NELL1: variants seen among roughly 807,000 people sequenced by gnomAD.
NELL1 encodes protein kinase C-binding protein NELL1.
NELL1 carries 76 observed loss-of-function variants against 107.4 expected under a neutral mutation model. The ratio of observed to expected loss-of-function variants is 0.71; its 90% confidence interval spans 0.59 to 0.86. The LOEUF is 0.86. NELL1 is among the 40% of genes least tolerant of loss of function. NELL1 has a pLI of 0.00. For missense variants in NELL1, 1,024 were observed against 1,005.5 expected, an observed-to-expected ratio of 1.02 and a Z score of -0.25; for synonymous variants, 353 against 341.2, an observed-to-expected ratio of 1.03 and a Z score of -0.38.
intron 17 of NELL1, among the ~76,000 whole-genome samples, chr11:21,561,925 G>T (rs1856859453): frequency 6.6e-6 from 1 of 152,000 alleles, no homozygotes; most frequent in Non-Finnish European, 1.5e-5. Context: ...ATTCCTCATG[G>T]AAGAGGATGG....
At chr11:20,713,654 C>T (rs181390538) in intron 2 of NELL1, among the ~76,000 whole-genome samples, 227 of 152,204 alleles carry the variant, frequency 1.5e-3, no homozygotes, top group African/African-American at 5.1e-3. Context: ...CAGTTCCTGG[C>T]CACCCCCCAG....
chr11:20,863,980 C>T (rs968757970), intron 4 of NELL1, among the ~76,000 whole-genome samples: 33 of 150,628 alleles, frequency 2.2e-4, no homozygotes, highest in African/African-American at 7.8e-4. Context: ...TGGCGGCGCG[C>T]GCCTGCAATC....
At chr11:20,807,774 TC>T (rs1326148937) in intron 3 of NELL1, among the ~76,000 whole-genome samples, 1 of 152,170 alleles carries the variant, frequency 6.6e-6, no homozygotes, top group Non-Finnish European at 1.5e-5. Context: ...CAAAGAATCG[TC>T]CCAGTTTTCC....
rs545216612 is a variant in NELL1 at position 20,693,186 on chromosome 11, A to C, written c.184+15126A>C. 1.3e-4 allele frequency among the ~76,000 whole-genome samples: 19 copies of C among 151,870 alleles called. No homozygotes were observed. The South Asian group carries it at 1.7e-3, about 13-fold the overall frequency. ...ATTTTGAGCCTATGTGTGTCTCTGCACGTGAGATGGGTTTCCTGAATACAG... is the reference window on the plus strand; with the variant it reads ...ATTTTGAGCCTATGTGTGTCTCTGCCCGTGAGATGGGTTTCCTGAATACAG... On this transcript the variant is annotated intron_variant, in intron 2 of 19. Transcript: ENST00000357134.
At chr11:21,008,056 C>T (rs1852367257) in intron 12 of NELL1, among the ~76,000 whole-genome samples, 1 of 152,048 alleles carries the variant, frequency 6.6e-6, no homozygotes, top group Non-Finnish European at 1.5e-5. Context: ...TGGTTGCTTA[C>T]AGAAGTGAAG....
chr11:21,049,112 A>G (rs991150413), intron 12 of NELL1, among the ~76,000 whole-genome samples: 1 of 152,190 alleles, frequency 6.6e-6, no homozygotes, highest in African/African-American at 2.4e-5. Context: ...ATTGAAATAA[A>G]TGGATCACAT....
chr11:20,998,919 T>C (rs184726024), intron 12 of NELL1, among the ~76,000 whole-genome samples: 4 of 152,170 alleles, frequency 2.6e-5, no homozygotes, highest in Non-Finnish European at 5.9e-5. Flanking sequence ...AAATGAAATA[T>C]ACATTTTCAA....
At chr11:20,911,861 G>A (rs925096621) in intron 5 of NELL1, among the ~76,000 whole-genome samples, 1 of 152,170 alleles carries the variant, frequency 6.6e-6, no homozygotes, top group Non-Finnish European at 1.5e-5. Flanking sequence ...AATGGCTGGG[G>A]TAGGGGAAAT....
chr11:20,783,896 G>A, intron 3 of NELL1, 66 bp downstream of exon 3: 1 of 1,441,488 alleles, frequency 6.9e-7, no homozygotes, highest in Non-Finnish European at 9.2e-7. Context: ...AATGTCTTGG[G>A]ATTTAGAGTT....
intron 15 of NELL1, among the ~76,000 whole-genome samples, chr11:21,528,905 G>GT (rs933666934): frequency 4.0e-5 from 6 of 151,868 alleles, no homozygotes; most frequent in African/African-American, 9.7e-5. Flanking sequence ...TTAGTGCTGG[G>GT]TTTTTTTCCT....
intron 14 of NELL1, among the ~76,000 whole-genome samples, chr11:21,299,509 ATATGTGTGTGTGTGTGTGTGTG>A (rs1159017334): frequency 9.4e-6 from 1 of 106,568 alleles, no homozygotes; most frequent in Non-Finnish European, 1.9e-5. Context: ...TTATTGTCTT[ATATGTGTGTGTGTGTGTGTGTG>A]TGTGTGTGTG....
At chr11:21,365,191 C>G (rs1404006179) in intron 14 of NELL1, among the ~76,000 whole-genome samples, 1 of 152,180 alleles carries the variant, frequency 6.6e-6, no homozygotes. Flanking sequence ...ATGCCTTTCT[C>G]TCTGCTATTC....
chr11:20,671,859 G>A (rs533483290), intron 1 of NELL1, among the ~76,000 whole-genome samples: 2 of 152,254 alleles, frequency 1.3e-5, no homozygotes, highest in South Asian at 4.1e-4. Flanking sequence ...AGGGAGGAGT[G>A]GTGGTCAGGG....
chr11:21,292,640 G>T lies in NELL1; in HGVS notation c.1549+63186G>T, dbSNP rs565934952. On this transcript the variant is annotated intron_variant, in intron 14 of 19. Coordinates refer to ENST00000357134, the MANE Select transcript of NELL1 (RefSeq NM_006157.5). The stretch of plus-strand genomic sequence containing the variant: ...TAGACAAGACAATCCTAAGCAAAAA[G>T]AACAAAGCTGGAGGCATCATGGTAC... 3.3e-5 allele frequency among the ~76,000 whole-genome samples: 5 copies of T among 152,242 alleles called. No individual in the cohort carries two copies. In the South Asian group the frequency reaches 1.0e-3, roughly 32 times the overall value.
chr11:21,570,997 T>G, intron 18 of NELL1, 57 bp downstream of exon 18: 1 of 1,537,570 alleles, frequency 6.5e-7, no homozygotes. Context: ...GGTTACAAAT[T>G]CAGTTGTCTG....
intron 13 of NELL1, among the ~76,000 whole-genome samples, chr11:21,203,868 A>G (rs1857328450): frequency 6.6e-6 from 1 of 152,098 alleles, no homozygotes; most frequent in Non-Finnish European, 1.5e-5. Context: ...TTTGCTTATG[A>G]AGCTTAGTTT....
intron 12 of NELL1, among the ~76,000 whole-genome samples, chr11:20,977,333 C>T (rs970315123): frequency 6.1e-5 from 9 of 148,206 alleles, no homozygotes; most frequent in African/African-American, 1.3e-4. Context: ...GGTGCCATAT[C>T]GCCTCACTGC....
intron 14 of NELL1, among the ~76,000 whole-genome samples, chr11:21,273,989 A>T (rs1279525438): frequency 6.6e-6 from 1 of 152,216 alleles, no homozygotes; most frequent in East Asian, 1.9e-4. Flanking sequence ...AAGAAACTGC[A>T]TCAACTAACG....
intron 2 of NELL1, among the ~76,000 whole-genome samples, chr11:20,746,807 G>A (rs1218883909): frequency 1.3e-5 from 2 of 152,094 alleles, no homozygotes; most frequent in African/African-American, 4.8e-5. Context: ...GGATGTGTAC[G>A]ATACACAGCT....
Sources: allele counts gnomAD v4.1 joint callset (sites outside exome capture counted in the v4.1 genomes callset), GRCh38; gene constraint gnomAD v4.1.1; transcripts MANE v1.5; gene names NCBI Gene and HGNC (gene_info 2026-07-23, HGNC 2026-07-21).